The following NFYC variants were observed in gnomAD, a reference collection of about 807,000 sequenced individuals.
NFYC encodes the protein nuclear transcription factor Y subunit gamma, also known as CAAT box DNA-binding protein subunit C.
In NFYC, 25 loss-of-function variants were observed where a neutral mutation model predicts 53.1. The ratio of observed to expected loss-of-function variants is 0.47; its 90% CI spans 0.34 to 0.66. NFYC has a LOEUF of 0.66. NFYC is among the 30% of genes least tolerant of loss of function. The pLI, the probability that NFYC is intolerant of heterozygous loss-of-function variation, is 0.01. For synonymous variants in NFYC, 145 were observed against 152.6 expected, an observed-to-expected ratio of 0.95 and a Z score of 0.37; for missense variants, 260 against 422.7, an observed-to-expected ratio of 0.62 and a Z score of 3.38.
rs138094823 is a variant in NFYC at position 40,767,955 on chromosome 1, G to A, written c.828+1252G>A. Among the ~76,000 whole-genome samples, 1,090 of 152,226 alleles carry A rather than the reference G, an allele frequency of 7.2e-3. 10 individuals are homozygous for A. Among genetic ancestry groups the A allele is most frequent in the Middle Eastern group, 0.034 (10 of 294 alleles). On this transcript the variant is annotated intron_variant, in intron 8 of 9. Transcript: ENST00000447388. Reference sequence around the variant, plus strand: ...TGTGCCACTGCACTCCAGCCTGGGCGACAGAGTGAGACTCTGTCTCAAAAA... The same window carrying A: ...TGTGCCACTGCACTCCAGCCTGGGCAACAGAGTGAGACTCTGTCTCAAAAA...
chr1:40,740,263 CA>C (rs1289025529), intron 2 of NFYC, among the ~76,000 whole-genome samples: 1 of 152,136 alleles, frequency 6.6e-6, no homozygotes, highest in Non-Finnish European at 1.5e-5. Flanking sequence ...GTTACAATGT[CA>C]GTTTATTCAT....
At position 40,762,981 on chromosome 1, in the gene NFYC, A is replaced by G; in HGVS notation, c.655A>G (p.Thr219Ala). Residue 219 changes from threonine (T) to alanine (A), a missense_variant, in exon 7 of 10, where the codon ACT becomes GCT. Thr to Ala is a moderately conservative substitution (Grantham distance 58). Transcript: ENST00000447388. The stretch of plus-strand genomic sequence containing the variant: ...TCAAGCCCAACAGGCCCAGAGTGGC[A>G]CTGGACAGACCATGCAGGTGATGCA... ...QGQAQQAQSG[T>A]GQTMQVMQQI... The G allele has an allele frequency of 2.5e-6, 4 of 1,612,338 alleles. No homozygotes were observed. Among genetic ancestry groups the G allele is most frequent in the Non-Finnish European group, 3.4e-6 (4 of 1,179,050 alleles).
chr1:40,717,210 C>T (rs1362616929), intron 1 of NFYC, among the ~76,000 whole-genome samples: 1 of 152,088 alleles, frequency 6.6e-6, no homozygotes, highest in Non-Finnish European at 1.5e-5. Context: ...AACATGGAAG[C>T]CCAAAAATGT....
intron 4 of NFYC, among the ~76,000 whole-genome samples, chr1:40,750,020 C>T (rs1313724882): frequency 6.6e-6 from 1 of 152,222 alleles, no homozygotes; most frequent in Non-Finnish European, 1.5e-5. Flanking sequence ...GAGTATTTAC[C>T]TGTTTCCAAA....
intron 3 of NFYC, 96 bp from the exon 4 acceptor site, chr1:40,749,477 C>A: frequency 1.1e-6 from 1 of 922,552 alleles, no homozygotes; most frequent in Non-Finnish European, 1.8e-6. Flanking sequence ...TTTTTTGACC[C>A]TTGCCCCATA....
intron 8 of NFYC, chr1:40,768,802 C>G (rs1006319443): frequency 6.5e-6 from 1 of 153,590 alleles, no homozygotes; most frequent in Non-Finnish European, 1.5e-5. Context: ...TGCACAGTGC[C>G]TCTCTCGGAA....
At chr1:40,692,506 C>A (rs925106031) in intron 1 of NFYC, among the ~76,000 whole-genome samples, 2 of 152,054 alleles carry the variant, frequency 1.3e-5, no homozygotes, top group Non-Finnish European at 2.9e-5. Context: ...TGAGAGTCTT[C>A]GAGATCCAGG....
intron 5 of NFYC, 36 bp downstream of exon 5, chr1:40,753,282 A>G: frequency 6.8e-7 from 1 of 1,468,520 alleles, no homozygotes. Context: ...CTGCTGACTG[A>G]AGAGCGCTTT....
intron 1 of NFYC, among the ~76,000 whole-genome samples, chr1:40,707,062 C>T (rs11208734): frequency 0.53 from 80,037 of 151,508 alleles, 21,510 homozygotes; most frequent in Non-Finnish European, 0.59. Flanking sequence ...CCTAGCTACT[C>T]GGGAGGCCGA....
chr1:40,741,849 C>G (rs908880930), intron 2 of NFYC, among the ~76,000 whole-genome samples: 1 of 151,726 alleles, frequency 6.6e-6, no homozygotes, highest in Non-Finnish European at 1.5e-5. Flanking sequence ...AGCATTCCTC[C>G]CACATCTGCC....
At chr1:40,731,160 A>T (rs1329642058) in intron 1 of NFYC, among the ~76,000 whole-genome samples, 1 of 152,118 alleles carries the variant, frequency 6.6e-6, no homozygotes, top group Admixed American at 6.5e-5. Context: ...CTGAACTGGA[A>T]TAATTGGATA....
chr1:40,769,756 T>A (rs766613324), intron 9 of NFYC, among the ~76,000 whole-genome samples: 2 of 152,182 alleles, frequency 1.3e-5, no homozygotes, highest in African/African-American at 2.4e-5. Context: ...TCTCTAGAAC[T>A]GTATTTTTTT....
At chr1:40,747,022 A>G (rs1424292368) in intron 2 of NFYC, among the ~76,000 whole-genome samples, 2 of 152,196 alleles carry the variant, frequency 1.3e-5, no homozygotes, top group Non-Finnish European at 2.9e-5. Flanking sequence ...GGTTAGTGCA[A>G]ATGTCAGAAA....
At position 40,770,187 on chromosome 1, in the gene NFYC, TAA is replaced by T; in HGVS notation, c.889-521_889-520del. On this transcript the variant is annotated intron_variant, in intron 9 of 9. Transcript: ENST00000447388. The surrounding 1 kb of genome is among the most constrained non-coding windows in gnomAD (Gnocchi z 5.3). ...ACCCCTGGAGCGTCTTGGCTATAGT[TAA>T]GTGTTTAATACCAGGCCACCTCCTT... 2 of 588,156 alleles carry T rather than the reference TAA, an allele frequency of 3.4e-6. No individual in the cohort carries two copies. Among genetic ancestry groups the T allele is most frequent in the Non-Finnish European group, 6.0e-6 (2 of 334,672 alleles). 36.4% of individuals were successfully genotyped at this position (588,156 alleles called of 1,614,324 possible). A position where few individuals can be genotyped will look rare whatever the true frequency, so the allele number is the denominator to read the frequency against.
At chr1:40,747,774 G>C (rs78380651) in intron 3 of NFYC, among the ~76,000 whole-genome samples, 169 bp downstream of exon 3, 3,579 of 151,390 alleles carry the variant, frequency 0.024, 139 homozygotes, top group African/African-American at 0.082. Context: ...CCAAAATTGA[G>C]CAGTTTTGGT....
chr1:40,727,593 C>T (rs996204039), intron 1 of NFYC, among the ~76,000 whole-genome samples: 4 of 146,794 alleles, frequency 2.7e-5, no homozygotes, highest in East Asian at 4.2e-4. Flanking sequence ...TGCAGTGGCA[C>T]GATTTCGGCT....
intron 4 of NFYC, among the ~76,000 whole-genome samples, chr1:40,751,718 A>G (rs12728776): frequency 0.22 from 32,742 of 151,938 alleles, 4,155 homozygotes; most frequent in South Asian, 0.42. Context: ...AAGTATATCT[A>G]TGTTTCCAAA....
intron 1 of NFYC, among the ~76,000 whole-genome samples, chr1:40,697,086 A>G (rs1643189294): frequency 6.6e-6 from 1 of 152,226 alleles, no homozygotes; most frequent in Non-Finnish European, 1.5e-5. Flanking sequence ...TCTGTGCTGG[A>G]GCAGGTTCTT....
chr1:40,767,699 G>T (rs569668259), intron 8 of NFYC, among the ~76,000 whole-genome samples: 1 of 152,300 alleles, frequency 6.6e-6, no homozygotes, highest in South Asian at 2.1e-4. Flanking sequence ...TTTGGGGCTG[G>T]GCACAGTGGG....
Sources: gnomAD v4.1 joint callset for allele counts (sites outside exome capture counted in the v4.1 genomes callset) on GRCh38, gnomAD v4.1.1 for gene constraint, Gnocchi (gnomAD v3.1) non-coding constraint, MANE v1.5 for transcripts, NCBI Gene and HGNC (gene_info 2026-07-23, HGNC 2026-07-21) for gene names.